CNTN5: variants seen among roughly 807,000 people sequenced by gnomAD.
CNTN5 encodes the protein contactin 5.
In CNTN5, 77 loss-of-function variants were observed where a neutral mutation model predicts 129.1. The observed-to-expected ratio is 0.60, with a 90% confidence interval of 0.50 to 0.72. The LOEUF (loss-of-function observed/expected upper bound fraction) is 0.72, where lower values mean the gene tolerates loss of function less well. CNTN5 is among the 30% of genes least tolerant of loss of function. The pLI is 0.00. For missense variants in CNTN5, 1,478 were observed against 1,328.8 expected (o/e 1.11, Z -1.75); for synonymous variants, 509 against 465.6 (o/e 1.09, Z -1.20).
chr11:99,997,542 C>T (rs975480944), intron 8 of CNTN5, among the ~76,000 whole-genome samples: 3 of 152,130 alleles, frequency 2.0e-5, no homozygotes, highest in Non-Finnish European at 2.9e-5. Flanking sequence ...GAGCCCAGGA[C>T]GAGATGGATT....
At chr11:99,613,114 G>C (rs1950640635) in intron 3 of CNTN5, among the ~76,000 whole-genome samples, 7 of 152,204 alleles carry the variant, frequency 4.6e-5, no homozygotes. Context: ...CATCATTAAA[G>C]AAAAAAAGCC....
chr11:100,189,907 T>C lies in CNTN5; in HGVS notation c.1581-1219T>C, dbSNP rs1591373155. ...ATCATAAATCAAGTTTGATCCATAT[T>C]GGAAACCATATGTTTTCAAACTGAT... On this transcript the variant is annotated intron_variant, in intron 13 of 24. Coordinates refer to ENST00000524871, the MANE Select transcript of CNTN5 (RefSeq NM_014361.4). 2.0e-5 allele frequency among the ~76,000 whole-genome samples: 3 copies of C among 152,282 alleles called. No individual in the cohort carries two copies. The East Asian group carries it at 5.8e-4, about 29-fold the overall frequency.
At chr11:99,179,555 T>C (rs568947934) in intron 1 of CNTN5, among the ~76,000 whole-genome samples, 3 of 152,334 alleles carry the variant, frequency 2.0e-5, no homozygotes, top group East Asian at 3.9e-4. Context: ...AGAGTTAATG[T>C]AATTTTATGG....
At chr11:99,804,544 A>C (rs972650143) in intron 3 of CNTN5, among the ~76,000 whole-genome samples, 1 of 146,152 alleles carries the variant, frequency 6.8e-6, no homozygotes, top group Non-Finnish European at 1.5e-5. Context: ...AAAAAAAAAA[A>C]CTCAGTAAAG....
chr11:99,248,194 G>A (rs1389167831), intron 1 of CNTN5, among the ~76,000 whole-genome samples: 3 of 152,120 alleles, frequency 2.0e-5, no homozygotes, highest in African/African-American at 7.2e-5. Flanking sequence ...GTTTTGATTT[G>A]CATTTCTCTG....
chr11:99,230,114 A>G (rs1162360664), intron 1 of CNTN5, among the ~76,000 whole-genome samples: 1 of 152,014 alleles, frequency 6.6e-6, no homozygotes, highest in Non-Finnish European at 1.5e-5. Flanking sequence ...CTATTGTTAA[A>G]ATTCGATACT....
chr11:100,083,918 A>G (rs975934051), intron 13 of CNTN5, among the ~76,000 whole-genome samples: 2 of 151,852 alleles, frequency 1.3e-5, no homozygotes, highest in African/African-American at 4.8e-5. Flanking sequence ...CTTTTTTCTT[A>G]ATTGTTGAAT....
Position 100,299,331 on chromosome 11 carries a change from G to T in CNTN5, c.2555G>T (p.Gly852Val). ...CTTACTCCCTTTGAAGTGAAAGTTG[G>T]CGTTTATAACAATAAAGGAGATGGG... is the stretch of plus-strand genomic sequence containing the variant. ...PPLTPFEVKV[G>V]VYNNKGDGPF... The change falls in exon 20 of 25, where the codon GGC becomes GTC. Residue 852 changes from glycine to valine, a missense_variant. By Grantham distance (109) the Gly-to-Val change is moderately radical (BLOSUM62 -3). Coordinates refer to ENST00000524871, the MANE Select transcript of CNTN5 (RefSeq NM_014361.4). 3.1e-6 allele frequency: 5 copies of T among 1,610,524 alleles called. No individual in the cohort carries two copies. The highest frequency in any genetic ancestry group is 4.2e-6 in the Non-Finnish European group (5 of 1,177,660).
At chr11:99,796,942 T>C (rs1288639955) in intron 3 of CNTN5, among the ~76,000 whole-genome samples, 3 of 152,076 alleles carry the variant, frequency 2.0e-5, no homozygotes, top group Non-Finnish European at 4.4e-5. Flanking sequence ...GAGGGCAGGC[T>C]GCTCCTCACC....
chr11:99,277,259 A>G (rs1429643482), intron 1 of CNTN5, among the ~76,000 whole-genome samples: 1 of 151,716 alleles, frequency 6.6e-6, no homozygotes. Context: ...GTTTTTCTCT[A>G]GTCTGTCATC....
intron 9 of CNTN5, among the ~76,000 whole-genome samples, chr11:100,038,351 G>A (rs899619214): frequency 1.3e-5 from 2 of 152,134 alleles, no homozygotes; most frequent in African/African-American, 2.4e-5. Context: ...TATGATTTCT[G>A]TTCTTTTACA....
intron 2 of CNTN5, among the ~76,000 whole-genome samples, chr11:99,358,255 AT>A (rs1186386021): frequency 0.045 from 2,101 of 46,904 alleles, 191 homozygotes; most frequent in African/African-American, 0.13. Flanking sequence ...CGCCCTGCTG[AT>A]TTTTTTTTTT....
intron 3 of CNTN5, among the ~76,000 whole-genome samples, chr11:99,583,957 A>G (rs1485641454): frequency 6.6e-6 from 1 of 152,108 alleles, no homozygotes; most frequent in Admixed American, 6.5e-5. Context: ...GTATTCGGCC[A>G]TCTTGGCTCC....
intron 10 of CNTN5, among the ~76,000 whole-genome samples, chr11:100,065,493 C>T (rs563844519): frequency 5.9e-5 from 9 of 152,154 alleles, no homozygotes; most frequent in South Asian, 2.1e-4. Context: ...GACATTACTA[C>T]GAGGTGCTTT....
intron 4 of CNTN5, among the ~76,000 whole-genome samples, chr11:99,827,866 G>T (rs976546361): frequency 6.6e-6 from 1 of 151,866 alleles, no homozygotes; most frequent in African/African-American, 2.4e-5. Flanking sequence ...TTCTTTGATC[G>T]GTCAATAACA....
At chr11:99,151,842 G>T (rs1227844716) in intron 1 of CNTN5, among the ~76,000 whole-genome samples, 1 of 152,002 alleles carries the variant, frequency 6.6e-6, no homozygotes, top group Admixed American at 6.6e-5. Flanking sequence ...TCATAAGTGG[G>T]AGGGGGACAT....
chr11:99,361,219 T>C (rs1241344962), intron 2 of CNTN5, among the ~76,000 whole-genome samples: 1 of 152,192 alleles, frequency 6.6e-6, no homozygotes, highest in Admixed American at 6.5e-5. Context: ...TCTATAGCTC[T>C]TCTTTTCTTC....
chr11:100,212,186 T>G (rs1057434596), intron 15 of CNTN5, among the ~76,000 whole-genome samples: 2 of 152,156 alleles, frequency 1.3e-5, no homozygotes, highest in Non-Finnish European at 2.9e-5. Context: ...TTTCTGAATC[T>G]CATAATTATC....
chr11:99,733,761 A>G (rs1943611672), intron 3 of CNTN5, among the ~76,000 whole-genome samples: 5 of 152,110 alleles, frequency 3.3e-5, no homozygotes, highest in Admixed American at 2.6e-4. Context: ...AGTGCTTACA[A>G]ATTCTGGTTT....
Sources: gnomAD v4.1 joint callset for allele counts (sites outside exome capture counted in the v4.1 genomes callset) on GRCh38, gnomAD v4.1.1 for gene constraint, MANE v1.5 for transcripts, NCBI Gene and HGNC (gene_info 2026-07-23, HGNC 2026-07-21) for gene names.